Variants in F13A1 observed in about 807,000 individuals in gnomAD.
F13A1 encodes coagulation factor XIII A chain.
Under a neutral mutation model 80.1 loss-of-function variants are expected in F13A1, and 47 were observed. The ratio of observed to expected loss-of-function variants is 0.59; its 90% CI spans 0.46 to 0.75. F13A1 has a LOEUF of 0.75. F13A1 is among the 30% of genes least tolerant of loss of function. The pLI is 0.00. For missense variants in F13A1, 817 were observed against 930.4 expected, an observed-to-expected ratio of 0.88 and a Z score of 1.59; for synonymous variants, 349 against 344.9, an observed-to-expected ratio of 1.01 and a Z score of -0.13.
At chr6:6,212,839 C>T (rs1273134621) in intron 8 of F13A1, among the ~76,000 whole-genome samples, 2 of 152,050 alleles carry the variant, frequency 1.3e-5, no homozygotes, top group African/African-American at 2.4e-5. Context: ...CTTAAAGGAG[C>T]TGATGGAGCT....
intron 8 of F13A1, among the ~76,000 whole-genome samples, chr6:6,216,055 T>C (rs1372051170): frequency 6.9e-6 from 1 of 144,946 alleles, no homozygotes. Context: ...GAACATTCCA[T>C]GCGCATGGGT....
chr6:6,219,322 C>A (rs1220925035), intron 8 of F13A1, among the ~76,000 whole-genome samples: 1 of 151,654 alleles, frequency 6.6e-6, no homozygotes, highest in Non-Finnish European at 1.5e-5. Flanking sequence ...TTAGCCTCCA[C>A]CCTCACCCTC....
At chr6:6,300,048 A>G (rs1758397805) in intron 3 of F13A1, among the ~76,000 whole-genome samples, 1 of 146,926 alleles carries the variant, frequency 6.8e-6, no homozygotes, top group South Asian at 2.1e-4. Context: ...GGTGCCTCCC[A>G]GTTAGGCTGC....
rs117624829 is a variant in F13A1, at chr6:6,284,900, G to A, written c.320-18091C>T. Among the ~76,000 whole-genome samples, 27 of 152,146 alleles carry A rather than the reference G, an allele frequency of 1.8e-4. No homozygotes were observed. The East Asian group carries it at 4.2e-3, about 24-fold the overall frequency. On this transcript the variant is annotated intron_variant, in intron 3 of 14. Coordinates refer to ENST00000264870, the MANE Select transcript of F13A1 (RefSeq NM_000129.4). ...GCTCTTGACTGCCCAGAGTCACTTC[G>A]GCCAGTCGTGTCACACATTTCTGGA...
At position 6,229,745 on chromosome 6, in the gene F13A1, C is replaced by T. The variant is rs187994872; in HGVS notation, c.799-4885G>A. ...GGAAGCAGACTGCTTCTGCAGGACC[C>T]GAGAGACCCCCCCAAATACTGTGAG... is the stretch of plus-strand genomic sequence containing the variant. On this transcript the variant is annotated intron_variant, in intron 6 of 14. Coordinates refer to ENST00000264870, the MANE Select transcript of F13A1 (RefSeq NM_000129.4). Among the ~76,000 whole-genome samples the T allele has an allele frequency of 2.9e-3, 436 of 152,308 alleles. 2 individuals carry two copies. The highest frequency in any genetic ancestry group is 3.5e-3 in the Non-Finnish European group (237 of 68,016).
chr6:6,212,610 A>C (rs1761638527), intron 8 of F13A1, among the ~76,000 whole-genome samples: 1 of 152,230 alleles, frequency 6.6e-6, no homozygotes, highest in African/African-American at 2.4e-5. Flanking sequence ...GAAACTCTAA[A>C]AAGCAGAGCG....
At chr6:6,312,279 A>G (rs975224608) in intron 2 of F13A1, among the ~76,000 whole-genome samples, 1 of 151,940 alleles carries the variant, frequency 6.6e-6, no homozygotes, top group Non-Finnish European at 1.5e-5. Context: ...CACTTCAACA[A>G]GCCAATGCCT....
chr6:6,202,253 C>CA (rs1220824157), intron 8 of F13A1, among the ~76,000 whole-genome samples: 1 of 151,566 alleles, frequency 6.6e-6, no homozygotes, highest in Non-Finnish European at 1.5e-5. Flanking sequence ...TGGAAAATAC[C>CA]AACTGATTCC....
rs142416088 is a variant in F13A1, at chr6:6,283,047, A to G, written c.320-16238T>C. Among the ~76,000 whole-genome samples, 134 of 152,324 alleles carry G rather than the reference A, an allele frequency of 8.8e-4. 1 individual carries two copies. In the East Asian group the frequency reaches 0.014, roughly 16 times the overall value. On this transcript the variant is annotated intron_variant, in intron 3 of 14. Coordinates refer to ENST00000264870, the MANE Select transcript of F13A1 (RefSeq NM_000129.4). The stretch of plus-strand genomic sequence containing the variant: ...ATCGAGTGGTTAAGTTAACATCATC[A>G]GTAATGGGATCTGTAAAAGTTATGT...
intron 3 of F13A1, among the ~76,000 whole-genome samples, chr6:6,277,687 G>T (rs1285648254): frequency 6.6e-6 from 1 of 152,194 alleles, no homozygotes; most frequent in Non-Finnish European, 1.5e-5. Context: ...ACTGGTTCTG[G>T]ACGATTTACC....
rs1417559148 is a variant in F13A1 at position 6,224,686 on chromosome 6, A to G, written c.973T>C (p.Phe325Leu). The G allele has an allele frequency of 3.1e-6, 5 of 1,613,688 alleles. No homozygotes were observed. The highest frequency in any genetic ancestry group is 3.4e-6 in the Non-Finnish European group (4 of 1,179,598). The change falls in exon 7 of 15, where the codon TTT (phenylalanine) becomes CTT (leucine). Residue 325 changes from phenylalanine (F) to leucine (L), a missense_variant and splice_region_variant. Physicochemically the swap from Phe to Leu is conservative, Grantham distance 22. Transcript: ENST00000264870. ...AGAAATTACTCAGTTGGATACTTAC[A>G]TGTGTTAAAGACACCAGCAAAAACC... is the stretch of plus-strand genomic sequence containing the variant. ...CWVFAGVFNT[F>L]LRCLGIPARI...
chr6:6,147,366 T>C (rs543724819), intron 14 of F13A1, among the ~76,000 whole-genome samples: 6 of 152,208 alleles, frequency 3.9e-5, no homozygotes, highest in Admixed American at 1.3e-4. Context: ...TAGGTTTTAT[T>C]TCTCAAGCAG....
At chr6:6,213,977 A>G (rs1761672458) in intron 8 of F13A1, among the ~76,000 whole-genome samples, 4 of 120,556 alleles carry the variant, frequency 3.3e-5, no homozygotes. Flanking sequence ...AAGAAGAGCT[A>G]ACTATCCTAA....
chr6:6,317,017 G>T (rs1758695184), intron 2 of F13A1, among the ~76,000 whole-genome samples: 1 of 152,156 alleles, frequency 6.6e-6, no homozygotes, highest in Admixed American at 6.5e-5. Context: ...CTCGTGGCAA[G>T]GACGGTTGTG....
intron 8 of F13A1, among the ~76,000 whole-genome samples, chr6:6,212,846 A>C (rs1417010550): frequency 6.6e-6 from 1 of 152,182 alleles, no homozygotes; most frequent in African/African-American, 2.4e-5. Context: ...GAGCTGATGG[A>C]GCTGAAAAGC....
At chr6:6,200,950 CCT>C (rs1486272303) in intron 8 of F13A1, among the ~76,000 whole-genome samples, 1 of 152,112 alleles carries the variant, frequency 6.6e-6, no homozygotes, top group African/African-American at 2.4e-5. Flanking sequence ...ACTCTGCTAG[CCT>C]CTCTCCAGAG....
chr6:6,284,030 T>C (rs1297328678), intron 3 of F13A1, among the ~76,000 whole-genome samples: 1 of 152,200 alleles, frequency 6.6e-6, no homozygotes, highest in Admixed American at 6.5e-5. Context: ...CAAGGCCAGG[T>C]TTACCAACCC....
At chr6:6,152,018 T>C in intron 13 of F13A1, 69 bp from the exon 14 acceptor site, 1 of 1,583,426 alleles carries the variant, frequency 6.3e-7, no homozygotes, top group Non-Finnish European at 8.6e-7. Flanking sequence ...GTCTTAACCA[T>C]CATCACTTTT....
Position 6,243,748 on chromosome 6 carries a change from G to A in F13A1, c.798+4564C>T, listed in dbSNP as rs537253803. Among the ~76,000 whole-genome samples, 1 of 152,258 alleles carries A rather than the reference G, an allele frequency of 6.6e-6. No individual in the cohort carries two copies. The highest frequency in any genetic ancestry group is 2.4e-5 in the African/African-American group (1 of 41,548). On this transcript the variant is annotated intron_variant, in intron 6 of 14. Transcript: ENST00000264870. The surrounding 1 kb of genome is among the most constrained non-coding windows in gnomAD (Gnocchi z 4.2). ...TCCTCACCCAGAAGACTCTTGGAGA[G>A]TCCTCCCCATTGCACACGCTGGTTC...
Sources: allele counts gnomAD v4.1 joint callset (sites outside exome capture counted in the v4.1 genomes callset), GRCh38; gene constraint gnomAD v4.1.1; non-coding constraint Gnocchi (gnomAD v3.1); transcripts MANE v1.5; gene names NCBI Gene and HGNC (gene_info 2026-07-23, HGNC 2026-07-21).